The following PARD3B variants were observed in gnomAD, a reference collection of about 807,000 sequenced individuals.
The protein encoded by PARD3B is partitioning defective 3 homolog B.
Under a neutral mutation model 130.2 loss-of-function variants are expected in PARD3B, and 103 were observed. The observed-to-expected ratio is 0.79, with a 90% CI of 0.67 to 0.93. The LOEUF is 0.93. Ranked by LOEUF, PARD3B falls within the 40% of genes least tolerant of loss-of-function variation. The pLI, the probability that PARD3B is intolerant of heterozygous loss-of-function variation, is 0.00. For missense variants in PARD3B, 1,609 were observed against 1,499.2 expected, an observed-to-expected ratio of 1.07 and a Z score of -1.21; for synonymous variants, 583 against 553.2, an observed-to-expected ratio of 1.05 and a Z score of -0.76.
intron 2 of PARD3B, among the ~76,000 whole-genome samples, chr2:204,744,724 A>C (rs931481412): frequency 6.6e-6 from 1 of 152,138 alleles, no homozygotes; most frequent in Admixed American, 6.6e-5. Flanking sequence ...GTGGGAGTCA[A>C]GGCTGTCAGC....
intron 3 of PARD3B, among the ~76,000 whole-genome samples, chr2:204,990,221 A>AT (rs2125238292): frequency 6.6e-6 from 1 of 151,228 alleles, no homozygotes; most frequent in South Asian, 2.1e-4. Context: ...ATTTTTGACA[A>AT]TTTTTTTACT....
intron 4 of PARD3B, among the ~76,000 whole-genome samples, chr2:205,080,103 C>T (rs1170267735): frequency 6.6e-6 from 1 of 152,146 alleles, no homozygotes; most frequent in Non-Finnish European, 1.5e-5. Flanking sequence ...AACTCAGCCT[C>T]CCTGGCTCCT....
chr2:204,666,544 C>A (rs896059125), intron 1 of PARD3B, among the ~76,000 whole-genome samples: 1 of 152,050 alleles, frequency 6.6e-6, no homozygotes, highest in East Asian at 1.9e-4. Context: ...TGATGGTTAA[C>A]TTGGCCCAGA....
chr2:205,436,801 C>T (rs891094766), intron 19 of PARD3B, among the ~76,000 whole-genome samples: 77 of 152,164 alleles, frequency 5.1e-4, no homozygotes, highest in African/African-American at 1.6e-3. Context: ...ACCTAGATTA[C>T]TGGTCCTATT....
At chr2:205,424,462 A>G (rs1170697244) in intron 19 of PARD3B, among the ~76,000 whole-genome samples, 1 of 152,140 alleles carries the variant, frequency 6.6e-6, no homozygotes, top group Non-Finnish European at 1.5e-5. Context: ...TTTAGGGCCA[A>G]GAAAACAAAG....
Position 204,965,223 on chromosome 2 carries a change from G to A in PARD3B, c.294G>A (p.Arg98=). The change falls in exon 3 of 23, where the codon CGG becomes CGA. Residue 98 remains arginine (R), a synonymous_variant. Coordinates refer to ENST00000406610, the MANE Select transcript of PARD3B (RefSeq NM_001302769.2). ...GCCCCAGTGGAAACCCTGCAGATCGGCAGAGCCCAGATGCTTTTGAGACAG... is the reference window on the plus strand; with the variant it reads ...GCCCCAGTGGAAACCCTGCAGATCGACAGAGCCCAGATGCTTTTGAGACAG... ...IESPSGNPAD[R]QSPDAFETEV... is the part of the protein sequence containing the mutation. 2 of 1,613,906 alleles carry A rather than the reference G, an allele frequency of 1.2e-6. No individual in the cohort carries two copies. Among genetic ancestry groups the A allele is most frequent in the Non-Finnish European group, 1.7e-6 (2 of 1,179,894 alleles).
intron 1 of PARD3B, among the ~76,000 whole-genome samples, chr2:204,640,971 T>C (rs1244475122): frequency 6.8e-6 from 1 of 147,996 alleles, no homozygotes; most frequent in Non-Finnish European, 1.5e-5. Context: ...ATATATAATA[T>C]ATATTTACTA....
At chr2:205,526,770 T>C (rs949378640) in intron 21 of PARD3B, among the ~76,000 whole-genome samples, 3 of 152,230 alleles carry the variant, frequency 2.0e-5, no homozygotes, top group African/African-American at 7.2e-5. Flanking sequence ...CATTTTTGTA[T>C]AGTTAACGCT....
chr2:205,546,430 A>G (rs1009495489), intron 21 of PARD3B, among the ~76,000 whole-genome samples: 1 of 152,108 alleles, frequency 6.6e-6, no homozygotes, highest in Non-Finnish European at 1.5e-5. Flanking sequence ...AACCTGCATG[A>G]TACCAAGTAA....
intron 3 of PARD3B, among the ~76,000 whole-genome samples, chr2:205,005,298 C>G (rs186068415): frequency 6.6e-6 from 1 of 152,160 alleles, no homozygotes; most frequent in East Asian, 1.9e-4. Context: ...GTTTGTTACA[C>G]TGGGAAAGTG....
In PARD3B at chr2:204,679,838, A is replaced by G. The variant is rs184470622; in HGVS notation, c.121-6343A>G. Among the ~76,000 whole-genome samples the G allele has an allele frequency of 3.0e-3, 452 of 152,118 alleles. 1 individual carries two copies. The highest frequency in any genetic ancestry group is 9.6e-3 in the African/African-American group (400 of 41,548). On this transcript the variant is annotated intron_variant, in intron 1 of 22. Transcript: ENST00000406610. ...ATCATTTTTTCTATATTAATTTATG[A>G]ATAACTTAGGTTGATTTTTGACTTT...
At chr2:205,198,857 T>C (rs2036835545) in intron 15 of PARD3B, among the ~76,000 whole-genome samples, 1 of 151,834 alleles carries the variant, frequency 6.6e-6, no homozygotes, top group Admixed American at 6.6e-5. Flanking sequence ...ATATATAAAA[T>C]ATATTTTACT....
At chr2:204,880,861 C>G (rs2046021132) in intron 2 of PARD3B, among the ~76,000 whole-genome samples, 1 of 152,002 alleles carries the variant, frequency 6.6e-6, no homozygotes, top group Admixed American at 6.6e-5. Flanking sequence ...GAGCCAACAT[C>G]CTGCAATTAT....
intron 2 of PARD3B, among the ~76,000 whole-genome samples, chr2:204,726,124 T>C (rs1266563485): frequency 6.6e-6 from 1 of 152,230 alleles, no homozygotes; most frequent in Non-Finnish European, 1.5e-5. Context: ...AGTTCTTTGC[T>C]GTCAGCATAG....
rs1157453153 is a variant in PARD3B at position 205,176,644 on chromosome 2, A to T, written c.1924+67A>T. On this transcript the variant is annotated intron_variant, in intron 13 of 22. Coordinates refer to ENST00000406610, the MANE Select transcript of PARD3B (RefSeq NM_001302769.2). The surrounding 1 kb of genome is among the most constrained non-coding windows in gnomAD (Gnocchi z 5.3). ...AAACACAAAAGTGTCTTTTTATCTAAAAAAAAAAAAAAAGAGTAAAGGGGA... is the reference window on the plus strand; with the variant it reads ...AAACACAAAAGTGTCTTTTTATCTATAAAAAAAAAAAAAGAGTAAAGGGGA... 1 of 221,430 alleles carries T rather than the reference A, an allele frequency of 4.5e-6. No individual in the cohort carries two copies. 13.7% of individuals were successfully genotyped at this position (221,430 alleles called of 1,614,324 possible).
intron 18 of PARD3B, among the ~76,000 whole-genome samples, chr2:205,377,848 G>A (rs1237864584): frequency 7.0e-6 from 1 of 143,702 alleles, no homozygotes; most frequent in Non-Finnish European, 1.5e-5. Context: ...TTGGCTCACT[G>A]CAACCTCCGT....
chr2:205,563,307 T>G lies in PARD3B; in HGVS notation c.3260+9904T>G, dbSNP rs2053203410. Among the ~76,000 whole-genome samples, 1 of 152,190 alleles carries G rather than the reference T, an allele frequency of 6.6e-6. No individual in the cohort carries two copies. Among genetic ancestry groups the G allele is most frequent in the East Asian group, 1.9e-4 (1 of 5,194 alleles). ...TTGCGTGCCTTCTATGTCTGTACGT[T>G]TTGCATGCCTTGTCTCATTTTATCC... is the stretch of plus-strand genomic sequence containing the variant. On this transcript the variant is annotated intron_variant, in intron 22 of 22. Transcript: ENST00000406610. The surrounding 1 kb of genome is among the most constrained non-coding windows in gnomAD (Gnocchi z 4.2).
chr2:205,339,737 C>T (rs543667820), intron 18 of PARD3B, among the ~76,000 whole-genome samples: 4 of 152,120 alleles, frequency 2.6e-5, no homozygotes, highest in African/African-American at 4.8e-5. Flanking sequence ...CAGTTACGGG[C>T]GCTATAAGTT....
intron 11 of PARD3B, among the ~76,000 whole-genome samples, chr2:205,162,257 A>G (rs2034548673): frequency 6.6e-6 from 1 of 152,218 alleles, no homozygotes; most frequent in Non-Finnish European, 1.5e-5. Flanking sequence ...CTTGATATTT[A>G]ACTTCAAGTC....
Sources: allele counts gnomAD v4.1 joint callset (sites outside exome capture counted in the v4.1 genomes callset), GRCh38; gene constraint gnomAD v4.1.1; non-coding constraint Gnocchi (gnomAD v3.1); transcripts MANE v1.5; gene names NCBI Gene and HGNC (gene_info 2026-07-23, HGNC 2026-07-21).